The following OPCML variants were observed in gnomAD, a reference collection of about 807,000 sequenced individuals.
OPCML encodes the protein opioid-binding protein/cell adhesion molecule.
Under a neutral mutation model 37.8 loss-of-function variants are expected in OPCML, and 13 were observed. The observed-to-expected ratio is 0.34, with a 90% CI of 0.22 to 0.55. The LOEUF is 0.55. Ranked by LOEUF, OPCML falls within the 20% of genes least tolerant of loss-of-function variation. The pLI, the probability that OPCML is intolerant of heterozygous loss-of-function variation, is 0.91. For missense variants in OPCML, 341 were observed against 435.6 expected (o/e 0.78, Z 1.93); for synonymous variants, 176 against 168.8 (o/e 1.04, Z -0.33).
chr11:133,505,298 G>T (rs937765947), intron 1 of OPCML, among the ~76,000 whole-genome samples: 1 of 152,222 alleles, frequency 6.6e-6, no homozygotes, highest in Admixed American at 6.5e-5. Flanking sequence ...CCTGGGCAGG[G>T]ACAAGGGGAC....
At chr11:133,302,821 A>G (rs994698086) in intron 1 of OPCML, among the ~76,000 whole-genome samples, 10 of 152,174 alleles carry the variant, frequency 6.6e-5, no homozygotes, top group African/African-American at 2.4e-4. Flanking sequence ...TGATTAGAAG[A>G]GATTCTCACA....
chr11:133,045,580 G>C (rs567994392), intron 1 of OPCML, among the ~76,000 whole-genome samples: 1 of 152,302 alleles, frequency 6.6e-6, no homozygotes, highest in South Asian at 2.1e-4. Context: ...TTCACTCTTG[G>C]CCAAGGTGGG....
intron 2 of OPCML, among the ~76,000 whole-genome samples, chr11:132,929,595 AAAC>A (rs888428454): frequency 3.6e-4 from 55 of 152,234 alleles, no homozygotes; most frequent in East Asian, 7.7e-4. Flanking sequence ...GACATTACCA[AAAC>A]AACAACAACA....
At chr11:132,634,781 G>A (rs1940379926) in intron 3 of OPCML, among the ~76,000 whole-genome samples, 1 of 152,224 alleles carries the variant, frequency 6.6e-6, no homozygotes, top group South Asian at 2.1e-4. Flanking sequence ...TTATCACTTA[G>A]AATCAAGTGG....
rs542199369 is a variant in OPCML at position 132,546,100 on chromosome 11, A to G, written c.380-16914T>C. ...AAATTTTTAAACGTTTTCCAATTCA[A>G]TAAGTGAGAAATGGTATTTCTGCAT... On this transcript the variant is annotated intron_variant, in intron 3 of 7. Transcript: ENST00000524381. 8.5e-4 allele frequency among the ~76,000 whole-genome samples: 129 copies of G among 152,246 alleles called. 1 individual carries two copies. The highest frequency in any genetic ancestry group is 5.8e-3 in the Admixed American group (88 of 15,286).
In OPCML at chr11:132,854,371, T is replaced by C. The variant is rs543880015; in HGVS notation, c.146+88555A>G. On this transcript the variant is annotated intron_variant, in intron 2 of 7. Transcript: ENST00000524381. Reference sequence around the variant, plus strand: ...CCTTCTGGGTTTTATGGAGCTTTCATTGCTTTAGCATAATTGATTAAATCA... The same window carrying C: ...CCTTCTGGGTTTTATGGAGCTTTCACTGCTTTAGCATAATTGATTAAATCA... Among the ~76,000 whole-genome samples, 5 of 152,290 alleles carry C rather than the reference T, an allele frequency of 3.3e-5. No individual in the cohort carries two copies. In the South Asian group the frequency reaches 1.0e-3, roughly 32 times the overall value.
At chr11:132,956,792 T>G (rs1484012151) in intron 1 of OPCML, among the ~76,000 whole-genome samples, 1 of 152,186 alleles carries the variant, frequency 6.6e-6, no homozygotes, top group Non-Finnish European at 1.5e-5. Context: ...TCTAGTTTCC[T>G]GTCTTGGCTG....
At chr11:133,185,714 G>A (rs1038590574) in intron 1 of OPCML, among the ~76,000 whole-genome samples, 6 of 152,044 alleles carry the variant, frequency 3.9e-5, no homozygotes, top group African/African-American at 7.2e-5. Flanking sequence ...AAAAACAACC[G>A]CTCATCGTTG....
chr11:132,619,973 G>A (rs1338573499), intron 3 of OPCML, among the ~76,000 whole-genome samples: 2 of 151,784 alleles, frequency 1.3e-5, no homozygotes, highest in African/African-American at 4.8e-5. Flanking sequence ...TATTTAGCAT[G>A]TCACCTTAAA....
intron 4 of OPCML, among the ~76,000 whole-genome samples, chr11:132,439,082 G>T (rs978308124): frequency 2.6e-5 from 4 of 152,142 alleles, no homozygotes; most frequent in African/African-American, 9.7e-5. Context: ...ATTGGCTAGT[G>T]GGAGCAATCC....
chr11:133,321,038 C>A (rs1943317563), intron 1 of OPCML, among the ~76,000 whole-genome samples: 1 of 152,254 alleles, frequency 6.6e-6, no homozygotes, highest in South Asian at 2.1e-4. Context: ...ACTTTAACAA[C>A]CCCTCAGCCA....
At chr11:133,328,701 C>A (rs1943540415) in intron 1 of OPCML, among the ~76,000 whole-genome samples, 1 of 152,140 alleles carries the variant, frequency 6.6e-6, no homozygotes, top group South Asian at 2.1e-4. Context: ...TAAGAGCTAT[C>A]TATGACAAAC....
At chr11:132,608,625 G>T (rs1012050613) in intron 3 of OPCML, among the ~76,000 whole-genome samples, 1 of 152,042 alleles carries the variant, frequency 6.6e-6, no homozygotes, top group Non-Finnish European at 1.5e-5. Flanking sequence ...TGATTATGTC[G>T]CTCTTTGCAA....
At chr11:132,591,653 A>G (rs916690669) in intron 3 of OPCML, among the ~76,000 whole-genome samples, 8 of 152,208 alleles carry the variant, frequency 5.3e-5, no homozygotes, top group African/African-American at 1.9e-4. Context: ...CTCATCTTTA[A>G]AATGGTAACA....
intron 2 of OPCML, among the ~76,000 whole-genome samples, chr11:132,662,141 C>G (rs903683423): frequency 2.6e-5 from 4 of 151,792 alleles, no homozygotes; most frequent in Non-Finnish European, 2.9e-5. Context: ...GGTTTTCAAC[C>G]TTTTCTGTGC....
At chr11:132,624,384 C>T (rs1274616094) in intron 3 of OPCML, among the ~76,000 whole-genome samples, 1 of 152,212 alleles carries the variant, frequency 6.6e-6, no homozygotes, top group Non-Finnish European at 1.5e-5. Context: ...TTTCCTTTCA[C>T]ATTTCTCAAT....
chr11:132,473,050 G>T (rs183932654), intron 4 of OPCML, among the ~76,000 whole-genome samples: 132 of 152,256 alleles, frequency 8.7e-4, no homozygotes, highest in Middle Eastern at 6.8e-3. Context: ...ACCATATTAA[G>T]CATCTGGTTA....
chr11:132,954,002 G>A (rs1945920314), intron 1 of OPCML, among the ~76,000 whole-genome samples: 1 of 152,206 alleles, frequency 6.6e-6, no homozygotes, highest in African/African-American at 2.4e-5. Context: ...AGAGGAGCTA[G>A]AACTTGTGTT....
At chr11:133,459,731 C>G (rs138266994) in intron 1 of OPCML, among the ~76,000 whole-genome samples, 5 of 152,004 alleles carry the variant, frequency 3.3e-5, no homozygotes, top group African/African-American at 1.2e-4. Flanking sequence ...AAGATGTAAA[C>G]ATGAAAGAAT....
Sources: allele counts gnomAD v4.1 joint callset (sites outside exome capture counted in the v4.1 genomes callset), GRCh38; gene constraint gnomAD v4.1.1; transcripts MANE v1.5; gene names NCBI Gene and HGNC (gene_info 2026-07-23, HGNC 2026-07-21).